RAD51B: variants seen among roughly 807,000 people sequenced by gnomAD.
RAD51B encodes the protein DNA repair protein RAD51 homolog 2.
In RAD51B, 38 loss-of-function variants were observed where a neutral mutation model predicts 42.2. That is an observed-to-expected ratio of 0.90 (90% CI 0.70 to 1.18). The LOEUF (loss-of-function observed/expected upper bound fraction) is 1.18. Among genes scored for constraint, RAD51B ranks in the 50% most tolerant of loss-of-function variants. The pLI, the probability that RAD51B is intolerant of heterozygous loss-of-function variation, is 0.00. For synonymous variants in RAD51B, 154 were observed against 145.2 expected (o/e 1.06, Z -0.43); for missense variants, 373 against 400.7 (o/e 0.93, Z 0.59).
At chr14:68,001,230 A>G (rs879712527) in intron 7 of RAD51B, among the ~76,000 whole-genome samples, 2 of 152,140 alleles carry the variant, frequency 1.3e-5, no homozygotes, top group African/African-American at 2.4e-5. Context: ...TATATTTTCT[A>G]TGGAATCATA....
intron 7 of RAD51B, among the ~76,000 whole-genome samples, chr14:68,270,013 A>T (rs2081073913): frequency 6.6e-6 from 1 of 152,268 alleles, no homozygotes; most frequent in South Asian, 2.1e-4. Context: ...CAAAGGGTCA[A>T]CAAGGAAATC....
At chr14:68,071,587 C>T (rs1326411568) in intron 7 of RAD51B, among the ~76,000 whole-genome samples, 1 of 152,066 alleles carries the variant, frequency 6.6e-6, no homozygotes, top group African/African-American at 2.4e-5. Flanking sequence ...TTAAACCAAC[C>T]TTGCATCCCA....
At chr14:68,361,587 G>T (rs1460502036) in intron 8 of RAD51B, among the ~76,000 whole-genome samples, 2 of 152,190 alleles carry the variant, frequency 1.3e-5, no homozygotes, top group African/African-American at 2.4e-5. Flanking sequence ...AGCTATGGGG[G>T]GTAAGGATGG....
intron 7 of RAD51B, among the ~76,000 whole-genome samples, chr14:68,042,740 G>A (rs2076237425): frequency 6.6e-6 from 1 of 152,214 alleles, no homozygotes. Flanking sequence ...AATAGAGAAG[G>A]TGATGGAGGC....
intron 10 of RAD51B, among the ~76,000 whole-genome samples, chr14:68,493,013 T>C (rs1471194069): frequency 6.6e-6 from 1 of 152,158 alleles, no homozygotes; most frequent in African/African-American, 2.4e-5. Flanking sequence ...GAATGTACAT[T>C]AGCATCCCTC....
At chr14:68,289,957 G>A (rs1368899100) in intron 7 of RAD51B, among the ~76,000 whole-genome samples, 1 of 152,194 alleles carries the variant, frequency 6.6e-6, no homozygotes, top group Non-Finnish European at 1.5e-5. Flanking sequence ...CACAAGCCCA[G>A]TGGGCACACA....
intron 7 of RAD51B, among the ~76,000 whole-genome samples, chr14:67,900,625 TC>T: frequency 7.4e-6 from 1 of 135,586 alleles, no homozygotes; most frequent in African/African-American, 2.8e-5. Context: ...TGTGTGTGTG[TC>T]ATACACACAC....
chr14:68,405,170 T>TA (rs1449484294), intron 8 of RAD51B, among the ~76,000 whole-genome samples: 2 of 152,216 alleles, frequency 1.3e-5, no homozygotes, highest in Non-Finnish European at 2.9e-5. Flanking sequence ...GAGATGTAGC[T>TA]AAGATATGAA....
At chr14:68,040,735 T>C (rs79017034) in intron 7 of RAD51B, among the ~76,000 whole-genome samples, 9,936 of 152,198 alleles carry the variant, frequency 0.065, 789 homozygotes, top group African/African-American at 0.19. Flanking sequence ...CTGGGTAAGG[T>C]CCATATGAGC....
chr14:68,347,436 TA>T (rs2082697276), intron 8 of RAD51B, among the ~76,000 whole-genome samples: 1 of 152,194 alleles, frequency 6.6e-6, no homozygotes, highest in Admixed American at 6.5e-5. Context: ...AATCCCAACA[TA>T]TTGGGAGGCC....
intron 10 of RAD51B, among the ~76,000 whole-genome samples, chr14:68,629,049 GGCCATC>G (rs1224572225): frequency 2.0e-5 from 3 of 152,078 alleles, no homozygotes; most frequent in Admixed American, 1.3e-4. Flanking sequence ...GCTGCAGGAA[GGCCATC>G]ACCCCTGGCT....
intron 7 of RAD51B, among the ~76,000 whole-genome samples, chr14:67,963,419 G>A (rs1454256256): frequency 2.0e-5 from 3 of 152,020 alleles, no homozygotes; most frequent in Non-Finnish European, 4.4e-5. Context: ...TGTATTTTTT[G>A]TAGTATTTGA....
chr14:68,605,098 T>C (rs1891393245), intron 10 of RAD51B, among the ~76,000 whole-genome samples: 1 of 152,214 alleles, frequency 6.6e-6, no homozygotes, highest in Non-Finnish European at 1.5e-5. Context: ...CTGCATTAGT[T>C]TCTTATAAGG....
At chr14:68,186,129 A>G (rs1034143091) in intron 7 of RAD51B, among the ~76,000 whole-genome samples, 21 of 152,246 alleles carry the variant, frequency 1.4e-4, no homozygotes, top group Non-Finnish European at 1.5e-5. Context: ...TCACTGGTCA[A>G]TAAATACTGC....
intron 9 of RAD51B, among the ~76,000 whole-genome samples, chr14:68,457,145 TC>T (rs2085716644): frequency 6.6e-6 from 1 of 151,946 alleles, no homozygotes; most frequent in East Asian, 1.9e-4. Context: ...ACTCCTGGCC[TC>T]AAGTGATCTG....
At chr14:68,666,774 C>T (rs1159693933) in intron 11 of RAD51B, among the ~76,000 whole-genome samples, 6 of 152,186 alleles carry the variant, frequency 3.9e-5, no homozygotes, top group Non-Finnish European at 8.8e-5. Context: ...AATATTTACT[C>T]ATCATGAAAT....
chr14:68,131,416 C>G (rs754010255), intron 7 of RAD51B, among the ~76,000 whole-genome samples: 1 of 152,196 alleles, frequency 6.6e-6, no homozygotes, highest in Non-Finnish European at 1.5e-5. Flanking sequence ...GACATATTCG[C>G]TGGGTGCGGT....
At chr14:68,095,123 G>C (rs1007061680) in intron 7 of RAD51B, among the ~76,000 whole-genome samples, 1 of 152,150 alleles carries the variant, frequency 6.6e-6, no homozygotes, top group Non-Finnish European at 1.5e-5. Context: ...TTTATCATAA[G>C]AGTTCTTTTA....
chr14:68,072,047 A>ATT (rs2076748894), intron 7 of RAD51B, among the ~76,000 whole-genome samples: 2 of 122,688 alleles, frequency 1.6e-5, no homozygotes, highest in African/African-American at 8.0e-5. Context: ...TTATATATAT[A>ATT]TATAATTATA....
Sources: allele counts gnomAD v4.1 joint callset (sites outside exome capture counted in the v4.1 genomes callset), GRCh38; gene constraint gnomAD v4.1.1; transcripts MANE v1.5; gene names NCBI Gene and HGNC (gene_info 2026-07-23, HGNC 2026-07-21).